Variants in CAMK1D observed in about 807,000 individuals in gnomAD.
CAMK1D encodes the protein calcium/calmodulin dependent protein kinase ID, also known as calcium/calmodulin-dependent protein kinase type 1D.
CAMK1D carries 9 observed loss-of-function variants against 47.7 expected under a neutral mutation model. The ratio of observed to expected loss-of-function variants is 0.19; its 90% CI spans 0.11 to 0.33. The LOEUF (loss-of-function observed/expected upper bound fraction) is 0.33. CAMK1D is among the 10% of genes least tolerant of loss of function. The pLI is 1.00. For missense variants in CAMK1D, 291 were observed against 488.7 expected, an observed-to-expected ratio of 0.60 and a Z score of 3.81; for synonymous variants, 184 against 184.9, an observed-to-expected ratio of 0.99 and a Z score of 0.04.
rs760022051 is a variant in CAMK1D at position 12,760,910 on chromosome 10, A to G, written c.300-38A>G. On this transcript the variant is annotated intron_variant, in intron 3 of 10. Transcript: ENST00000619168. Reference sequence around the variant, plus strand: ...GGAAGCTTTCCCTTCACAATTCAACAGATCCTTTCAAACTTCTAATATGTT... The same window carrying G: ...GGAAGCTTTCCCTTCACAATTCAACGGATCCTTTCAAACTTCTAATATGTT... 4 of 1,594,252 alleles carry G rather than the reference A, an allele frequency of 2.5e-6. No individual in the cohort carries two copies. The South Asian group carries it at 3.3e-5, about 13-fold the overall frequency.
intron 5 of CAMK1D, 120 bp from the exon 6 acceptor site, chr10:12,791,038 G>A: frequency 1.3e-6 from 1 of 781,338 alleles, no homozygotes; most frequent in East Asian, 2.5e-5. Context: ...AATGGGTTAT[G>A]TCTCTCTACT....
intron 1 of CAMK1D, among the ~76,000 whole-genome samples, chr10:12,406,388 CA>C (rs2131929974): frequency 6.6e-6 from 1 of 152,152 alleles, no homozygotes; most frequent in Admixed American, 6.6e-5. Flanking sequence ...TAATATCTGG[CA>C]AAAGCTTTTT....
chr10:12,571,168 C>T (rs996854121), intron 2 of CAMK1D, among the ~76,000 whole-genome samples: 6 of 151,826 alleles, frequency 4.0e-5, no homozygotes, highest in Non-Finnish European at 7.4e-5. Context: ...CTCACAGGGC[C>T]AGGTGCAGTG....
chr10:12,658,844 A>T (rs913479145), intron 2 of CAMK1D, among the ~76,000 whole-genome samples: 1 of 152,110 alleles, frequency 6.6e-6, no homozygotes, highest in African/African-American at 2.4e-5. Context: ...ACTCCATAAG[A>T]AACTTTGCAC....
chr10:12,517,162 T>A (rs1337146310), intron 1 of CAMK1D, among the ~76,000 whole-genome samples: 1 of 152,234 alleles, frequency 6.6e-6, no homozygotes. Flanking sequence ...GTATTATTTT[T>A]AAAATTTTTA....
intron 1 of CAMK1D, among the ~76,000 whole-genome samples, chr10:12,531,411 A>C (rs190703474): frequency 1.3e-5 from 2 of 152,216 alleles, no homozygotes; most frequent in African/African-American, 2.4e-5. Context: ...GAAATTACCA[A>C]CGTCAGAAGG....
chr10:12,667,921 A>C lies in CAMK1D; in HGVS notation c.299+1111A>C, dbSNP rs533589481. Among the ~76,000 whole-genome samples the C allele has an allele frequency of 5.1e-4, 78 of 152,382 alleles. No homozygotes were observed. In the South Asian group the frequency reaches 0.016, roughly 31 times the overall value. On this transcript the variant is annotated intron_variant, in intron 3 of 10. Coordinates refer to ENST00000619168, the MANE Select transcript of CAMK1D (RefSeq NM_153498.4). ...TATGATATTTTTGTATAAATATTTTAAAGCTGTCTATGCCAGAAGCATATG... is the reference window on the plus strand; with the variant it reads ...TATGATATTTTTGTATAAATATTTTCAAGCTGTCTATGCCAGAAGCATATG...
In CAMK1D at chr10:12,831,296, G is replaced by A. The variant is rs969116078; in HGVS notation, c.*2409G>A. On this transcript the variant is annotated 3_prime_UTR_variant, in exon 11 of 11. Transcript: ENST00000619168. ...ACTAGGCGGTTGCTTACTAAGAAGT[G>A]TCTTGGAAACATTCGAGTTCATACA... is the stretch of plus-strand genomic sequence containing the variant. 6.6e-6 allele frequency: 1 copy of A among 152,202 alleles called. No individual in the cohort carries two copies. The highest frequency in any genetic ancestry group is 6.5e-5 in the Admixed American group (1 of 15,278). The allele number at this position is 152,202 out of a possible 1,614,324, so 9.4% of individuals were successfully genotyped here.
At chr10:12,402,653 C>T (rs775601732) in intron 1 of CAMK1D, among the ~76,000 whole-genome samples, 5 of 152,106 alleles carry the variant, frequency 3.3e-5, no homozygotes, top group Admixed American at 6.5e-5. Flanking sequence ...TTAAATTGCT[C>T]GTGGAGTCCT....
intron 2 of CAMK1D, among the ~76,000 whole-genome samples, chr10:12,617,573 C>A (rs1003210316): frequency 6.6e-6 from 1 of 152,070 alleles, no homozygotes; most frequent in Non-Finnish European, 1.5e-5. Flanking sequence ...GGAGCCGTTT[C>A]TTCTCTTTGA....
At chr10:12,602,161 C>T (rs184354589) in intron 2 of CAMK1D, among the ~76,000 whole-genome samples, 1 of 152,238 alleles carries the variant, frequency 6.6e-6, no homozygotes, top group Non-Finnish European at 1.5e-5. Flanking sequence ...AGTTTGATTA[C>T]AGGAAAGTAA....
rs1833252238 is a variant in CAMK1D at position 12,827,291 on chromosome 10, C to CTCTCTCTT, written c.1040-1477_1040-1476insCTCTCTTT. On this transcript the variant is annotated intron_variant, in intron 10 of 10. Coordinates refer to ENST00000619168, the MANE Select transcript of CAMK1D (RefSeq NM_153498.4). The stretch of plus-strand genomic sequence containing the variant: ...CCTTCTCTTTCTTTTCTTTTTCTTT[C>CTCTCTCTT]TTTCTTTCTCTCTCTTTTTCTTTTC... Among the ~76,000 whole-genome samples the CTCTCTCTT allele has an allele frequency of 9.4e-5, 11 of 117,022 alleles. No individual in the cohort carries two copies. The South Asian group carries it at 1.0e-3, about 11-fold the overall frequency. 76.8% of individuals were successfully genotyped at this position (117,022 alleles called of 152,430 possible). A position where few individuals can be genotyped will look rare whatever the true frequency, so the allele number is the denominator to read the frequency against.
intron 2 of CAMK1D, among the ~76,000 whole-genome samples, chr10:12,573,876 C>G (rs1837408314): frequency 8.7e-6 from 1 of 114,502 alleles, no homozygotes; most frequent in Non-Finnish European, 1.7e-5. Flanking sequence ...GGGTCTCACT[C>G]TGCTACCCAG....
At chr10:12,562,539 T>G (rs754225207) in intron 2 of CAMK1D, among the ~76,000 whole-genome samples, 1 of 152,206 alleles carries the variant, frequency 6.6e-6, no homozygotes, top group Non-Finnish European at 1.5e-5. Flanking sequence ...CAAACTCATT[T>G]GCAAACGAGC....
intron 1 of CAMK1D, among the ~76,000 whole-genome samples, chr10:12,374,668 C>A (rs191942987): frequency 8.5e-5 from 13 of 152,080 alleles, no homozygotes; most frequent in African/African-American, 2.4e-4. Context: ...GTGGACCGGG[C>A]GCATTGGCTC....
At chr10:12,739,860 G>A (rs1055298443) in intron 3 of CAMK1D, among the ~76,000 whole-genome samples, 3 of 152,034 alleles carry the variant, frequency 2.0e-5, no homozygotes, top group Non-Finnish European at 4.4e-5. Flanking sequence ...CTGTAACCTG[G>A]TTGCCTTATT....
At chr10:12,476,444 C>T (rs892611134) in intron 1 of CAMK1D, among the ~76,000 whole-genome samples, 1 of 151,902 alleles carries the variant, frequency 6.6e-6, no homozygotes, top group African/African-American at 2.4e-5. Flanking sequence ...GGAGGAAGCC[C>T]CTTGGGATCT....
chr10:12,822,056 A>G (rs1447102876), intron 8 of CAMK1D, among the ~76,000 whole-genome samples: 1 of 152,210 alleles, frequency 6.6e-6, no homozygotes, highest in African/African-American at 2.4e-5. Flanking sequence ...GTGTATATGG[A>G]TTGATAAAGC....
intron 1 of CAMK1D, among the ~76,000 whole-genome samples, chr10:12,496,566 C>A (rs1239113138): frequency 3.3e-5 from 5 of 152,198 alleles, no homozygotes; most frequent in East Asian, 3.9e-4. Flanking sequence ...ACTATGGCCT[C>A]CATTCTGAGG....
Sources: gnomAD v4.1 joint callset for allele counts (sites outside exome capture counted in the v4.1 genomes callset) on GRCh38, gnomAD v4.1.1 for gene constraint, MANE v1.5 for transcripts, NCBI Gene and HGNC (gene_info 2026-07-23, HGNC 2026-07-21) for gene names.